Variants in CACNB2 observed in about 807,000 individuals in gnomAD.
CACNB2 encodes voltage-dependent L-type calcium channel subunit beta-2.
Under a neutral mutation model 73.3 loss-of-function variants are expected in CACNB2, and 42 were observed. The observed-to-expected ratio is 0.57, with a 90% CI of 0.45 to 0.74. CACNB2 has a LOEUF of 0.74. Ranked by LOEUF, CACNB2 falls within the 30% of genes least tolerant of loss-of-function variation. The pLI, the probability that CACNB2 is intolerant of heterozygous loss-of-function variation, is 0.00. For missense variants in CACNB2, 940 were observed against 853.0 expected (o/e 1.10, Z -1.27); for synonymous variants, 348 against 310.3 (o/e 1.12, Z -1.28).
chr10:18,385,590 C>G (rs1304083805), intron 2 of CACNB2, among the ~76,000 whole-genome samples: 1 of 150,266 alleles, frequency 6.7e-6, no homozygotes, highest in Non-Finnish European at 1.5e-5. Context: ...TCGTGCCAAG[C>G]CGAGATCGTG....
intron 2 of CACNB2, among the ~76,000 whole-genome samples, chr10:18,243,007 C>CAAA (rs68136708): frequency 0.036 from 4,791 of 134,756 alleles, 206 homozygotes; most frequent in African/African-American, 0.099. Flanking sequence ...AAGACTGTCT[C>CAAA]AAAAAAAAAA....
intron 10 of CACNB2, chr10:18,533,283 G>C (rs1359201336): frequency 6.6e-6 from 1 of 152,106 alleles, no homozygotes; most frequent in Non-Finnish European, 1.5e-5. Flanking sequence ...GCCTGTTCAA[G>C]TGCTCAGTAG....
chr10:18,319,879 T>G (rs774465830), intron 2 of CACNB2, among the ~76,000 whole-genome samples: 6 of 151,998 alleles, frequency 3.9e-5, no homozygotes, highest in Non-Finnish European at 5.9e-5. Flanking sequence ...GCAAAGGCCC[T>G]GAGGAAGAGT....
intron 2 of CACNB2, among the ~76,000 whole-genome samples, chr10:18,383,240 T>A (rs1290126713): frequency 6.6e-6 from 1 of 152,236 alleles, no homozygotes; most frequent in Non-Finnish European, 1.5e-5. Context: ...AAGGCCACAT[T>A]ATACAGGTAA....
At chr10:18,431,653 G>A (rs1229678469) in intron 3 of CACNB2, among the ~76,000 whole-genome samples, 1 of 152,152 alleles carries the variant, frequency 6.6e-6, no homozygotes, top group African/African-American at 2.4e-5. Context: ...AAATGAGGAA[G>A]TTAACGGAGA....
intron 2 of CACNB2, among the ~76,000 whole-genome samples, chr10:18,287,995 C>A (rs1021553877): frequency 6.6e-6 from 1 of 152,176 alleles, no homozygotes; most frequent in African/African-American, 2.4e-5. Flanking sequence ...TGTATCACTC[C>A]AATCACGTGC....
chr10:18,452,429 A>G (rs1405399091), intron 3 of CACNB2, among the ~76,000 whole-genome samples: 1 of 152,244 alleles, frequency 6.6e-6, no homozygotes, highest in East Asian at 1.9e-4. Flanking sequence ...CTGTGTCTCA[A>G]ATAATAATAA....
In CACNB2 at chr10:18,311,678, C is replaced by T. The variant is rs561512014; in HGVS notation, c.214-90246C>T. On this transcript the variant is annotated intron_variant, in intron 2 of 13. Transcript: ENST00000324631. ...TCATCATAAAGTTCTTCATCCTCAT[C>T]GTCTTCCCACTGAGTGGGCTAAGGA... Among the ~76,000 whole-genome samples the T allele has an allele frequency of 3.9e-5, 6 of 152,298 alleles. No individual in the cohort carries two copies. In the South Asian group the frequency reaches 1.0e-3, roughly 26 times the overall value.
chr10:18,193,530 A>G (rs2034497887), intron 2 of CACNB2, among the ~76,000 whole-genome samples: 1 of 152,194 alleles, frequency 6.6e-6, no homozygotes, highest in South Asian at 2.1e-4. Flanking sequence ...CCAAGGAGAT[A>G]GATTCCAGAA....
chr10:18,267,560 C>T (rs1238595487), intron 2 of CACNB2, among the ~76,000 whole-genome samples: 4 of 152,104 alleles, frequency 2.6e-5, no homozygotes, highest in Non-Finnish European at 5.9e-5. Context: ...GAACTGAGAT[C>T]ACACCACTGC....
chr10:18,478,694 G>C (rs375855165), intron 3 of CACNB2, among the ~76,000 whole-genome samples: 9 of 152,322 alleles, frequency 5.9e-5, no homozygotes, highest in African/African-American at 2.2e-4. Flanking sequence ...GGCCAAACAA[G>C]TTATGGGAGT....
intron 2 of CACNB2, among the ~76,000 whole-genome samples, chr10:18,233,611 A>G (rs1245743118): frequency 6.6e-6 from 1 of 152,204 alleles, no homozygotes; most frequent in Non-Finnish European, 1.5e-5. Flanking sequence ...AGCAAATCAC[A>G]TCAGCACTTT....
At chr10:18,325,047 C>G (rs1343892107) in intron 2 of CACNB2, among the ~76,000 whole-genome samples, 2 of 152,190 alleles carry the variant, frequency 1.3e-5, no homozygotes, top group Non-Finnish European at 2.9e-5. Flanking sequence ...CTGCTGTGAT[C>G]CTTCATAATT....
intron 2 of CACNB2, among the ~76,000 whole-genome samples, chr10:18,227,659 T>C (rs575630221): frequency 6.6e-6 from 1 of 152,296 alleles, no homozygotes; most frequent in South Asian, 2.1e-4. Flanking sequence ...TCTGCGCTGT[T>C]ACTTTCCAGA....
chr10:18,277,174 G>A lies in CACNB2; in HGVS notation c.214-124750G>A, dbSNP rs578023081. ...AGCCAAATTCTGAGTAAAGAATCCCGTGAGGAAGTGGAAGCTATGTGATAA... is the reference window on the plus strand; with the variant it reads ...AGCCAAATTCTGAGTAAAGAATCCCATGAGGAAGTGGAAGCTATGTGATAA... On this transcript the variant is annotated intron_variant, in intron 2 of 13. Transcript: ENST00000324631. Among the ~76,000 whole-genome samples, 14 of 152,252 alleles carry A rather than the reference G, an allele frequency of 9.2e-5. No individual in the cohort carries two copies. In the East Asian group the frequency reaches 1.2e-3, roughly 13 times the overall value.
intron 12 of CACNB2, among the ~76,000 whole-genome samples, chr10:18,537,651 C>T (rs2053731649): frequency 6.6e-6 from 1 of 151,932 alleles, no homozygotes; most frequent in African/African-American, 2.4e-5. Context: ...GTGGTAGGCA[C>T]CTGTAACCCC....
At chr10:18,276,391 C>G (rs1439636924) in intron 2 of CACNB2, among the ~76,000 whole-genome samples, 1 of 152,162 alleles carries the variant, frequency 6.6e-6, no homozygotes, top group Non-Finnish European at 1.5e-5. Flanking sequence ...ACCCTCACCC[C>G]ACAAACAAGC....
intron 1 of CACNB2, chr10:18,141,132 T>C (rs1338294432): frequency 4.0e-6 from 6 of 1,517,736 alleles, no homozygotes; most frequent in Non-Finnish European, 5.3e-6. Context: ...CCCGGGTTGC[T>C]CCAGCTGGCC....
chr10:18,510,209 C>G (rs1228011304), intron 6 of CACNB2, among the ~76,000 whole-genome samples: 1 of 152,310 alleles, frequency 6.6e-6, no homozygotes, highest in South Asian at 2.1e-4. Flanking sequence ...GCCCTCATGT[C>G]CAGATACAGG....
Sources: allele counts gnomAD v4.1 joint callset (sites outside exome capture counted in the v4.1 genomes callset), GRCh38; gene constraint gnomAD v4.1.1; transcripts MANE v1.5; gene names NCBI Gene and HGNC (gene_info 2026-07-23, HGNC 2026-07-21).